The following TMEM117 variants were observed in gnomAD, a reference collection of about 807,000 sequenced individuals.
TMEM117 encodes transmembrane protein 117.
A neutral mutation model predicts 52.4 loss-of-function variants in TMEM117; 27 were observed. The ratio of observed to expected loss-of-function variants is 0.51; its 90% CI spans 0.38 to 0.71. TMEM117 has a LOEUF of 0.71. Among genes scored for constraint, TMEM117 ranks in the 30% least tolerant of loss-of-function variants. The pLI, the probability that TMEM117 is intolerant of heterozygous loss-of-function variation, is 0.00. For missense variants in TMEM117, 556 were observed against 630.5 expected, an observed-to-expected ratio of 0.88 and a Z score of 1.26; for synonymous variants, 215 against 206.3, an observed-to-expected ratio of 1.04 and a Z score of -0.36.
chr12:44,260,873 C>A (rs1950312625), intron 5 of TMEM117, among the ~76,000 whole-genome samples: 1 of 152,052 alleles, frequency 6.6e-6, no homozygotes, highest in Non-Finnish European at 1.5e-5. Flanking sequence ...AATCAGACTC[C>A]ACAAGTAAAA....
At chr12:43,940,628 A>C (rs1440877567) in intron 2 of TMEM117, among the ~76,000 whole-genome samples, 1 of 151,654 alleles carries the variant, frequency 6.6e-6, no homozygotes, top group East Asian at 1.9e-4. Flanking sequence ...TGCAACCTCC[A>C]ACTCCCGGGT....
At chr12:43,965,981 T>C (rs1161134637) in intron 3 of TMEM117, among the ~76,000 whole-genome samples, 1 of 152,222 alleles carries the variant, frequency 6.6e-6, no homozygotes, top group Non-Finnish European at 1.5e-5. Context: ...TAGCTCCCAC[T>C]TAAAAGTGAG....
At chr12:43,837,136 G>T (rs1234704592) in intron 1 of TMEM117, among the ~76,000 whole-genome samples, 1 of 151,666 alleles carries the variant, frequency 6.6e-6, no homozygotes, top group East Asian at 1.9e-4. Context: ...TATGGATTTT[G>T]ACATTTTGTC....
At chr12:43,854,151 A>G (rs1276811477) in intron 2 of TMEM117, among the ~76,000 whole-genome samples, 1 of 152,146 alleles carries the variant, frequency 6.6e-6, no homozygotes, top group Non-Finnish European at 1.5e-5. Flanking sequence ...TATTTGAACA[A>G]TGTGTGAGAT....
chr12:44,365,395 A>G (rs1011283936), intron 6 of TMEM117, among the ~76,000 whole-genome samples: 3 of 152,056 alleles, frequency 2.0e-5, no homozygotes, highest in Admixed American at 6.6e-5. Context: ...GCATATCGGC[A>G]TGATAGTTGG....
intron 3 of TMEM117, among the ~76,000 whole-genome samples, chr12:44,130,055 C>G (rs1262492777): frequency 6.6e-6 from 1 of 152,164 alleles, no homozygotes; most frequent in Admixed American, 6.5e-5. Flanking sequence ...ATAATTTTCT[C>G]CCAAAGCTAT....
chr12:44,037,141 G>A (rs2137885083), intron 3 of TMEM117, among the ~76,000 whole-genome samples: 1 of 152,182 alleles, frequency 6.6e-6, no homozygotes, highest in African/African-American at 2.4e-5. Flanking sequence ...CACTTCCCAG[G>A]TGAAGCTGCA....
chr12:43,960,291 G>GA lies in TMEM117; in HGVS notation c.410+15950dup, dbSNP rs535993967. Among the ~76,000 whole-genome samples, 71 of 151,812 alleles carry GA rather than the reference G, an allele frequency of 4.7e-4. 1 individual carries two copies. In the South Asian group the frequency reaches 0.015, roughly 31 times the overall value. ...GGGGTTGACCCAGGGAGGCCCTGGAGAGGGGGGTTGAGTAAGGGGAGAGGG... is the reference window on the plus strand; with the variant it reads ...GGGGTTGACCCAGGGAGGCCCTGGAGAAGGGGGGTTGAGTAAGGGGAGAGGG... On this transcript the variant is annotated intron_variant, in intron 3 of 7. Coordinates refer to ENST00000266534, the MANE Select transcript of TMEM117 (RefSeq NM_032256.3).
At chr12:44,383,087 T>A (rs1266183075) in intron 7 of TMEM117, among the ~76,000 whole-genome samples, 1 of 152,188 alleles carries the variant, frequency 6.6e-6, no homozygotes, top group Non-Finnish European at 1.5e-5. Flanking sequence ...TGAATGACTT[T>A]GGGGAGCGTA....
At chr12:44,273,569 A>G (rs570359319) in intron 5 of TMEM117, among the ~76,000 whole-genome samples, 1 of 152,076 alleles carries the variant, frequency 6.6e-6, no homozygotes, top group African/African-American at 2.4e-5. Flanking sequence ...AATTCTCAAC[A>G]TAATACTAGC....
chr12:44,201,881 A>G (rs974048739), intron 4 of TMEM117, among the ~76,000 whole-genome samples: 20 of 152,174 alleles, frequency 1.3e-4, no homozygotes, highest in Non-Finnish European at 7.4e-5. Flanking sequence ...GAACATAAAA[A>G]TTAAATATAG....
intron 3 of TMEM117, among the ~76,000 whole-genome samples, chr12:44,118,219 A>G (rs530232162): frequency 9.8e-5 from 15 of 152,328 alleles, no homozygotes; most frequent in East Asian, 9.6e-4. Flanking sequence ...TAAAAGGACA[A>G]TATTTTCATG....
intron 6 of TMEM117, among the ~76,000 whole-genome samples, chr12:44,350,302 A>G (rs1951544262): frequency 6.6e-6 from 1 of 152,038 alleles, no homozygotes; most frequent in Admixed American, 6.6e-5. Context: ...GGGGTACATA[A>G]GATTTTTTGA....
chr12:44,044,925 G>A (rs967431726), intron 3 of TMEM117, among the ~76,000 whole-genome samples: 2 of 152,250 alleles, frequency 1.3e-5, no homozygotes, highest in Non-Finnish European at 2.9e-5. Context: ...CATGGTCAGG[G>A]ACTGGGAAGA....
At chr12:44,234,892 G>C (rs1034843304) in intron 5 of TMEM117, among the ~76,000 whole-genome samples, 1 of 151,334 alleles carries the variant, frequency 6.6e-6, no homozygotes, top group African/African-American at 2.4e-5. Flanking sequence ...AAAATCTCCT[G>C]ATATGTTTAA....
chr12:43,832,555 G>T (rs534049139), upstream of TMEM117, among the ~76,000 whole-genome samples: 238 of 152,334 alleles, frequency 1.6e-3, no homozygotes, highest in Non-Finnish European at 2.6e-3. Context: ...GATTCCTATT[G>T]TAATTTTTCA....
At chr12:43,994,373 C>G (rs1945994172) in intron 3 of TMEM117, among the ~76,000 whole-genome samples, 1 of 152,114 alleles carries the variant, frequency 6.6e-6, no homozygotes, top group Non-Finnish European at 1.5e-5. Flanking sequence ...CAAGAAAAGT[C>G]TTTATCTTAT....
chr12:44,094,634 G>A (rs1947727301), intron 3 of TMEM117, among the ~76,000 whole-genome samples: 1 of 152,038 alleles, frequency 6.6e-6, no homozygotes, highest in Non-Finnish European at 1.5e-5. Context: ...TGTCTTTCAT[G>A]TCCAGTATTT....
chr12:43,862,290 A>G lies in TMEM117; in HGVS notation c.277+17362A>G, dbSNP rs145373558. ...TTCACACCATTCTCCTGCCTCAGCC[A>G]CGGGAGTAGATGGGACTACAGGCGC... On this transcript the variant is annotated intron_variant, in intron 2 of 7. Coordinates refer to ENST00000266534, the MANE Select transcript of TMEM117 (RefSeq NM_032256.3). 8.0e-3 allele frequency among the ~76,000 whole-genome samples: 1,225 copies of G among 152,230 alleles called. 16 individuals carry two copies. The highest frequency in any genetic ancestry group is 0.027 in the African/African-American group (1,122 of 41,540).
Sources: gnomAD v4.1 joint callset for allele counts (sites outside exome capture counted in the v4.1 genomes callset) on GRCh38, gnomAD v4.1.1 for gene constraint, MANE v1.5 for transcripts, NCBI Gene and HGNC (gene_info 2026-07-23, HGNC 2026-07-21) for gene names.